TMEM129: variants seen among roughly 807,000 people sequenced by gnomAD.
TMEM129 encodes transmembrane protein 129, E3 ubiquitin ligase.
In TMEM129, 35 loss-of-function variants were observed where a neutral mutation model predicts 34.1. The observed-to-expected ratio is 1.03, with a 90% CI of 0.78 to 1.36. The LOEUF (loss-of-function observed/expected upper bound fraction) is 1.36. TMEM129 is among the 40% of genes most tolerant of loss of function. The pLI is 0.00. For missense variants in TMEM129, 504 were observed against 512.6 expected (o/e 0.98, Z 0.16); for synonymous variants, 239 against 217.3 (o/e 1.10, Z -0.88).
chr4:1,720,577 C>T lies in TMEM129; in HGVS notation c.205+56G>A. On this transcript the variant is annotated intron_variant, in intron 1 of 3. Transcript: ENST00000382936. This position sits in a 1 kb window ranked among gnomAD's most constrained non-coding sequence, Gnocchi z 4.4. ...GAGCTGGCGGAGGCCTCCTCCTGACCTCCCAGCAAGCCCTGCGCAGGAGAG... is the reference window on the plus strand; with the variant it reads ...GAGCTGGCGGAGGCCTCCTCCTGACTTCCCAGCAAGCCCTGCGCAGGAGAG... The T allele has an allele frequency of 2.7e-6, 4 of 1,498,506 alleles. No individual in the cohort carries two copies. Among genetic ancestry groups the T allele is most frequent in the Non-Finnish European group, 3.6e-6 (4 of 1,126,268 alleles). 92.8% of individuals were successfully genotyped at this position (1,498,506 alleles called of 1,614,324 possible).
chr4:1,717,897 T>C (rs1348806062), intron 2 of TMEM129: 3 of 698,130 alleles, frequency 4.3e-6, no homozygotes. Context: ...CTGTCCTGAG[T>C]GCTCCCCAAG....
intron 1 of TMEM129, among the ~76,000 whole-genome samples, chr4:1,719,737 A>G (rs1717181593): frequency 6.6e-6 from 1 of 152,158 alleles, no homozygotes; most frequent in African/African-American, 2.4e-5. Flanking sequence ...AGCCCTAGAA[A>G]GTGGCCTGGT....
intron 1 of TMEM129, chr4:1,719,366 C>T (rs753113142): frequency 4.9e-4 from 181 of 370,542 alleles, no homozygotes; most frequent in Non-Finnish European, 1.1e-4. Flanking sequence ...CTGGCTAACA[C>T]GGTGAAACCC....
In TMEM129 at chr4:1,716,419, C is replaced by G. The variant is rs539278182; in HGVS notation, c.*761G>C. On this transcript the variant is annotated 3_prime_UTR_variant, in exon 4 of 4. Transcript: ENST00000382936. Reference sequence around the variant, plus strand: ...GGGGAGTGGGTAGCCTGGGCTGGACCCCTGGTGGGCTTGTGTTCTGGATGT... The same window carrying G: ...GGGGAGTGGGTAGCCTGGGCTGGACGCCTGGTGGGCTTGTGTTCTGGATGT... The G allele has an allele frequency of 7.8e-4, 119 of 152,480 alleles. No individual in the cohort carries two copies. Among genetic ancestry groups the G allele is most frequent in the African/African-American group, 2.8e-3 (115 of 41,564 alleles). 9.4% of individuals were successfully genotyped at this position (152,480 alleles called of 1,614,324 possible).
In TMEM129 at chr4:1,716,797, G is replaced by T. The variant is rs985293531; in HGVS notation, c.*383C>A. The T allele has an allele frequency of 4.3e-5, 9 of 208,332 alleles. No homozygotes were observed. The highest frequency in any genetic ancestry group is 5.7e-5 in the Non-Finnish European group (6 of 104,772). The allele number at this position is 208,332 out of a possible 1,614,324, so 12.9% of individuals were successfully genotyped here. A position where few individuals can be genotyped will look rare whatever the true frequency, so the allele number is the denominator to read the frequency against. On this transcript the variant is annotated 3_prime_UTR_variant, in exon 4 of 4. Coordinates refer to ENST00000382936, the MANE Select transcript of TMEM129 (RefSeq NM_001127266.2). ...GTCCAGGTCTGGCACGTAACTGAGG[G>T]TGGGTATGCTCCAGAGAAGTAAGGC...
chr4:1,717,723 G>A, intron 2 of TMEM129, 48 bp from the exon 3 acceptor site: 3 of 1,458,066 alleles, frequency 2.1e-6, no homozygotes, highest in Non-Finnish European at 2.7e-6. Context: ...AAAGGGAGCG[G>A]AAGATGGAGG....
chr4:1,718,567 C>T lies in TMEM129; in HGVS notation c.265G>A (p.Ala89Thr). 2 of 1,482,886 alleles carry T rather than the reference C, an allele frequency of 1.3e-6. No homozygotes were observed. The highest frequency in any genetic ancestry group is 1.8e-6 in the Non-Finnish European group (2 of 1,114,038). 91.9% of individuals were successfully genotyped at this position (1,482,886 alleles called of 1,614,324 possible). A position where few individuals can be genotyped will look rare whatever the true frequency, so the allele number is the denominator to read the frequency against. Reference sequence around the variant, plus strand: ...AGGAAGAGCCGCCAGGCCTCAGGGGCCTGGCTGAGGGCGTGGAGCCGCTTT... The same window carrying T: ...AGGAAGAGCCGCCAGGCCTCAGGGGTCTGGCTGAGGGCGTGGAGCCGCTTT... ...SEKRLHALSQ[A>T]PEAWRLFLLL... is the part of the protein sequence containing the mutation. Residue 89 changes from alanine to threonine, a missense_variant, in exon 2 of 4, where the codon GCC (alanine) becomes ACC (threonine). Ala to Thr is a moderately conservative substitution (Grantham distance 58). Coordinates refer to ENST00000382936, the MANE Select transcript of TMEM129 (RefSeq NM_001127266.2).
chr4:1,718,008 G>A, intron 2 of TMEM129, 144 bp downstream of exon 2: 1 of 789,470 alleles, frequency 1.3e-6, no homozygotes, highest in South Asian at 1.8e-5. Flanking sequence ...GGTGTCTTGT[G>A]GACACCTTGC....
chr4:1,718,046 G>T, intron 2 of TMEM129, 106 bp downstream of exon 2: 2 of 1,064,174 alleles, frequency 1.9e-6, no homozygotes, highest in Non-Finnish European at 2.7e-6. Flanking sequence ...CAGGAGTGTT[G>T]GAGTCCACAC....
At position 1,720,620 on chromosome 4, in the gene TMEM129, C is replaced by G. The variant is rs1470938318; in HGVS notation, c.205+13G>C. ...CAGGAGAGGATGCGGCCGGCCGGCC[C>G]GAGCAGCCTCACCGAGCGGCAGCAG... On this transcript the variant is annotated intron_variant, in intron 1 of 3. Coordinates refer to ENST00000382936, the MANE Select transcript of TMEM129 (RefSeq NM_001127266.2). The surrounding 1 kb of genome is among the most constrained non-coding windows in gnomAD (Gnocchi z 4.4). The G allele has an allele frequency of 1.5e-5, 23 of 1,534,014 alleles. No homozygotes were observed. The highest frequency in any genetic ancestry group is 1.2e-4 in the East Asian group (5 of 40,694).
chr4:1,719,145 T>A (rs1247427424), intron 1 of TMEM129: 5 of 900,176 alleles, frequency 5.6e-6, no homozygotes, highest in Non-Finnish European at 7.9e-6. Context: ...AAGGTCCAAA[T>A]AAGCCATGGA....
rs1472474761 is a variant in TMEM129 at position 1,718,520 on chromosome 4, G to T, written c.312C>A (p.Pro104=). 6 of 1,528,892 alleles carry T rather than the reference G, an allele frequency of 3.9e-6. No individual in the cohort carries two copies. The African/African-American group carries it at 6.9e-5, about 18-fold the overall frequency. The allele number at this position is 1,528,892 out of a possible 1,614,324, so 94.7% of individuals were successfully genotyped here. A position where few individuals can be genotyped will look rare whatever the true frequency, so the allele number is the denominator to read the frequency against. The change falls in exon 2 of 4, where the codon CCC becomes CCA. Residue 104 remains proline (P), a synonymous_variant. Transcript: ENST00000382936. ...AGTAGATCAGGATGCAGGCGATGGA[G>T]GGGAGGGTCACGGCCAGCAGCAGGA... is the stretch of plus-strand genomic sequence containing the variant. ...RLFLLLAVTL[P]SIACILIYYW...
Position 1,718,520 on chromosome 4 carries a change from GGGGA to G in TMEM129, c.308_311del (p.Leu103ProfsTer7). 1 of 1,529,010 alleles carries G rather than the reference GGGGA, an allele frequency of 6.5e-7. No homozygotes were observed. The highest frequency in any genetic ancestry group is 8.8e-7 in the Non-Finnish European group (1 of 1,132,262). The allele number at this position is 1,529,010 out of a possible 1,614,324, so 94.7% of individuals were successfully genotyped here. ...AGTAGATCAGGATGCAGGCGATGGA[GGGGA>G]GGGTCACGGCCAGCAGCAGGAAGAG... On this transcript the variant is annotated frameshift_variant, in exon 2 of 4. Coordinates refer to ENST00000382936, the MANE Select transcript of TMEM129 (RefSeq NM_001127266.2). LOFTEE classifies it high-confidence loss of function.
chr4:1,720,955 AC>A lies in TMEM129; in HGVS notation c.-119del, dbSNP rs1166882811. ...GCCGCCGCCCGGCCGCCCGCGGGGCACTCTAGGACATGGAGTCCCGCCGCCC... is the reference window on the plus strand; with the variant it reads ...GCCGCCGCCCGGCCGCCCGCGGGGCATCTAGGACATGGAGTCCCGCCGCCC... On this transcript the variant is annotated 5_prime_UTR_variant, in exon 1 of 4. In the 5' UTR this introduces an upstream ATG that the reference lacks. Transcript: ENST00000382936. This position sits in a 1 kb window ranked among gnomAD's most constrained non-coding sequence, Gnocchi z 4.4. 1.2e-5 allele frequency: 8 copies of A among 689,620 alleles called. No individual in the cohort carries two copies. Among genetic ancestry groups the A allele is most frequent in the Non-Finnish European group, 1.6e-5 (8 of 485,026 alleles). 42.7% of individuals were successfully genotyped at this position (689,620 alleles called of 1,614,324 possible). A position where few individuals can be genotyped will look rare whatever the true frequency, so the allele number is the denominator to read the frequency against.
At chr4:1,717,808 A>G in intron 2 of TMEM129, 133 bp from the exon 3 acceptor site, 1 of 1,304,516 alleles carries the variant, frequency 7.7e-7, no homozygotes, top group Non-Finnish European at 1.0e-6. Context: ...GCCAGAGCCC[A>G]CGGACCCAGT....
At position 1,718,155 on chromosome 4, in the gene TMEM129, A is replaced by C; in HGVS notation, c.677T>G (p.Ile226Ser). Residue 226 changes from isoleucine to serine, a missense_variant, in exon 2 of 4, where the codon ATC becomes AGC. Coordinates refer to ENST00000382936, the MANE Select transcript of TMEM129 (RefSeq NM_001127266.2). ...CCCACAGGCACCACACTCTTACCAG[A>C]TGTCAAAGGCCTGCACAGCAGGGTT... Reference protein sequence around the residue: ...STNPAVQAFDIWLNSTEYGEL... With the variant: ...STNPAVQAFDSWLNSTEYGEL... The C allele has an allele frequency of 1.3e-6, 2 of 1,551,724 alleles. No individual in the cohort carries two copies. The highest frequency in any genetic ancestry group is 1.4e-5 in the African/African-American group (1 of 73,492).
rs1377134201 is a variant in TMEM129 at position 1,720,965 on chromosome 4, ATGG to A, written c.-131_-129del. 2 of 495,724 alleles carry A rather than the reference ATGG, an allele frequency of 4.0e-6. No homozygotes were observed. The highest frequency in any genetic ancestry group is 6.3e-6 in the Non-Finnish European group (2 of 316,464). 30.7% of individuals were successfully genotyped at this position (495,724 alleles called of 1,614,324 possible). A position where few individuals can be genotyped will look rare whatever the true frequency, so the allele number is the denominator to read the frequency against. ...GGCCGCCCGCGGGGCACTCTAGGAC[ATGG>A]AGTCCCGCCGCCCGGCCGCCCGCGG... On this transcript the variant is annotated 5_prime_UTR_variant, in exon 1 of 4. The change abolishes an upstream ATG in the 5' untranslated region. Transcript: ENST00000382936. The surrounding 1 kb of genome is among the most constrained non-coding windows in gnomAD (Gnocchi z 4.4).
In TMEM129 at chr4:1,720,504, G is replaced by C. The variant is rs1717250632; in HGVS notation, c.205+129C>G. On this transcript the variant is annotated intron_variant, in intron 1 of 3. Transcript: ENST00000382936. This position sits in a 1 kb window ranked among gnomAD's most constrained non-coding sequence, Gnocchi z 4.4. ...CCACGCCGCGGTCCCTCTGGATGAG[G>C]ACCGGCGCCTCTCCCCAGCTGCGCC... 1.8e-5 allele frequency: 22 copies of C among 1,217,724 alleles called. No homozygotes were observed. In the South Asian group the frequency reaches 3.5e-4, roughly 19 times the overall value. 75.4% of individuals were successfully genotyped at this position (1,217,724 alleles called of 1,614,324 possible). A position where few individuals can be genotyped will look rare whatever the true frequency, so the allele number is the denominator to read the frequency against.
Position 1,720,780 on chromosome 4 carries a change from C to T in TMEM129, c.58G>A (p.Val20Met), listed in dbSNP as rs924940922. The change falls in exon 1 of 4, where the codon GTG (valine) becomes ATG (methionine). Residue 20 changes from valine (V) to methionine (M), a missense_variant. Physicochemically the swap from Val to Met is conservative, Grantham distance 21. Coordinates refer to ENST00000382936, the MANE Select transcript of TMEM129 (RefSeq NM_001127266.2). The surrounding 1 kb of genome is among the most constrained non-coding windows in gnomAD (Gnocchi z 4.4). Reference protein sequence around the residue: ...LAYLVFAVCFVFTPNEFHAAG... With the variant: ...LAYLVFAVCFMFTPNEFHAAG... ...GCGTGGAACTCGTTGGGCGTGAACACGAAGCACACGGCGAACACCAGATAG... is the reference window on the plus strand; with the variant it reads ...GCGTGGAACTCGTTGGGCGTGAACATGAAGCACACGGCGAACACCAGATAG... 3 of 1,594,506 alleles carry T rather than the reference C, an allele frequency of 1.9e-6. No individual in the cohort carries two copies. The highest frequency in any genetic ancestry group is 2.7e-5 in the African/African-American group (2 of 74,254).
Sources: gnomAD v4.1 joint callset for allele counts (sites outside exome capture counted in the v4.1 genomes callset) on GRCh38, gnomAD v4.1.1 for gene constraint, Gnocchi (gnomAD v3.1) non-coding constraint, MANE v1.5 for transcripts, NCBI Gene and HGNC (gene_info 2026-07-23, HGNC 2026-07-21) for gene names.